Variants in STAB2 observed in about 807,000 individuals in gnomAD.
STAB2 encodes stabilin 2, also known as stabilin-2.
STAB2 carries 288 observed loss-of-function variants against 338.1 expected under a neutral mutation model. The observed-to-expected ratio is 0.85, with a 90% CI of 0.77 to 0.94. The LOEUF is 0.94. Among genes scored for constraint, STAB2 ranks in the 40% least tolerant of loss-of-function variants. The pLI is 0.00. For synonymous variants in STAB2, 1,202 were observed against 1,193.3 expected, an observed-to-expected ratio of 1.01 and a Z score of -0.15; for missense variants, 3,141 against 3,210.1, an observed-to-expected ratio of 0.98 and a Z score of 0.52.
At position 103,753,267 on chromosome 12, in the gene STAB2, A is replaced by T; in HGVS notation, c.6628A>T (p.Lys2210Ter). The change falls in exon 61 of 69, where the codon AAG (lysine) becomes TAG (stop). Residue 2210 changes from lysine (K) to a stop codon, truncating the protein, a stop_gained. Transcript: ENST00000388887. LOFTEE classifies it high-confidence loss of function. ...TCTACGCTCCCCACTGGGCCAGTAT[A>T]AGCTGACCTTTGACAAAGCCAGAGA... ...FHLRSPLGQY[K>*]LTFDKAREAC... is the part of the protein sequence containing the mutation. 1 of 1,614,212 alleles carries T rather than the reference A, an allele frequency of 6.2e-7. No homozygotes were observed. Among genetic ancestry groups the T allele is most frequent in the South Asian group, 1.1e-5 (1 of 91,088 alleles).
Position 103,633,446 on chromosome 12 carries a change from G to T in STAB2, c.583+1753G>T, listed in dbSNP as rs551778576. Among the ~76,000 whole-genome samples the T allele has an allele frequency of 5.3e-5, 8 of 152,312 alleles. No individual in the cohort carries two copies. The South Asian group carries it at 1.7e-3, about 32-fold the overall frequency. ...GCCTGTAATTCCAGCACTTTGGGAG[G>T]CCGAGGCGGGTGGATCACCTGAGGT... is the stretch of plus-strand genomic sequence containing the variant. On this transcript the variant is annotated intron_variant, in intron 6 of 68. Coordinates refer to ENST00000388887, the MANE Select transcript of STAB2 (RefSeq NM_017564.10).
rs370340571 is a variant in STAB2 at position 103,590,708 on chromosome 12, T to C, written c.82-189T>C. 1.1e-4 allele frequency among the ~76,000 whole-genome samples: 17 copies of C among 152,304 alleles called. No individual in the cohort carries two copies. The East Asian group carries it at 1.9e-3, about 17-fold the overall frequency. On this transcript the variant is annotated intron_variant, in intron 1 of 68. Transcript: ENST00000388887. ...CTACAGCCATGGCAGACATTGCTTA[T>C]TAATCTCAATACTCTTTCCAGATAA...
At chr12:103,662,465 G>A (rs1448036715) in intron 17 of STAB2, among the ~76,000 whole-genome samples, 2 of 152,176 alleles carry the variant, frequency 1.3e-5, no homozygotes, top group African/African-American at 4.8e-5. Flanking sequence ...CAGCTCCAAA[G>A]GCAGAGCATA....
chr12:103,711,775 G>A (rs1344276483), intron 40 of STAB2, among the ~76,000 whole-genome samples: 1 of 152,194 alleles, frequency 6.6e-6, no homozygotes, highest in Non-Finnish European at 1.5e-5. Context: ...CAAGCTACCA[G>A]GACTCATGGA....
At chr12:103,705,967 A>G (rs1879314395) in intron 37 of STAB2, among the ~76,000 whole-genome samples, 1 of 152,226 alleles carries the variant, frequency 6.6e-6, no homozygotes, top group Non-Finnish European at 1.5e-5. Flanking sequence ...AAAAACTGAG[A>G]GTCCGAGAGG....
chr12:103,736,598 T>C (rs1882143032), intron 52 of STAB2, among the ~76,000 whole-genome samples: 1 of 152,060 alleles, frequency 6.6e-6, no homozygotes. Flanking sequence ...GTTCTGTGTG[T>C]TGATATAGCT....
At chr12:103,760,389 T>C (rs1884450694) in intron 65 of STAB2, among the ~76,000 whole-genome samples, 1 of 152,210 alleles carries the variant, frequency 6.6e-6, no homozygotes, top group Non-Finnish European at 1.5e-5. Flanking sequence ...GCCTCCCGCG[T>C]AGCTGGGACT....
chr12:103,692,907 C>A lies in STAB2; in HGVS notation c.3375+18C>A. 6.2e-7 allele frequency: 1 copy of A among 1,600,560 alleles called. No individual in the cohort carries two copies. Among genetic ancestry groups the A allele is most frequent in the Non-Finnish European group, 8.6e-7 (1 of 1,168,420 alleles). The stretch of plus-strand genomic sequence containing the variant: ...TCAACAAGGTACAAGATTCCATTCT[C>A]CTGTGCGTGCAGCATCTCTTTTCCC... On this transcript the variant is annotated intron_variant, in intron 31 of 68. Coordinates refer to ENST00000388887, the MANE Select transcript of STAB2 (RefSeq NM_017564.10).
chr12:103,729,740 C>A (rs1881484865), intron 48 of STAB2, among the ~76,000 whole-genome samples: 1 of 152,176 alleles, frequency 6.6e-6, no homozygotes, highest in Non-Finnish European at 1.5e-5. Flanking sequence ...CCAGACTGGT[C>A]CAGTCCCTCC....
chr12:103,671,023 C>T (rs1478415210), intron 22 of STAB2, among the ~76,000 whole-genome samples: 1 of 152,170 alleles, frequency 6.6e-6, no homozygotes, highest in African/African-American at 2.4e-5. Context: ...CACTAGGCCC[C>T]AATGGGTCTT....
intron 48 of STAB2, 45 bp downstream of exon 48, chr12:103,729,040 C>T (rs1881433006): frequency 6.3e-7 from 1 of 1,598,594 alleles, no homozygotes. Context: ...TAGATCATGT[C>T]CTTTGCAGGA....
At chr12:103,683,577 A>G (rs976471117) in intron 26 of STAB2, among the ~76,000 whole-genome samples, 4 of 152,230 alleles carry the variant, frequency 2.6e-5, no homozygotes, top group African/African-American at 9.6e-5. Flanking sequence ...AGTCCCAAAT[A>G]TGGTGTGGGA....
rs756586703 is a variant in STAB2, at chr12:103,735,564, G to A, written c.5534G>A (p.Gly1845Glu). Residue 1845 changes from glycine (G) to glutamate (E), a missense_variant, in exon 52 of 69, where the codon GGA becomes GAA. Coordinates refer to ENST00000388887, the MANE Select transcript of STAB2 (RefSeq NM_017564.10). ...GGTTCAGAGCTGAGTGTGAAATGTG[G>A]AGCTGGCAGGGACATCGTGAGTATC... ...LQGSELSVKC[G>E]AGRDIGDLFL... 11 of 1,536,308 alleles carry A rather than the reference G, an allele frequency of 7.2e-6. No homozygotes were observed. The highest frequency in any genetic ancestry group is 6.7e-5 in the South Asian group (6 of 89,634).
Position 103,766,593 on chromosome 12 carries a change from T to TACATGATGGGTAA in STAB2, c.*258_*270dup, listed in dbSNP as rs1213731186. 1.5e-5 allele frequency: 7 copies of TACATGATGGGTAA among 456,196 alleles called. No individual in the cohort carries two copies. The highest frequency in any genetic ancestry group is 2.4e-5 in the Non-Finnish European group (6 of 251,488). The allele number at this position is 456,196 out of a possible 1,614,324, so 28.3% of individuals were successfully genotyped here. On this transcript the variant is annotated 3_prime_UTR_variant, in exon 69 of 69. Transcript: ENST00000388887. ...AGCTGGCACCTGCTCCATTCTGCCCTACATGATGGGTAACTGTGATCTTTC... is the reference window on the plus strand; with the variant it reads ...AGCTGGCACCTGCTCCATTCTGCCCTACATGATGGGTAAACATGATGGGTAACTGTGATCTTTC...
At chr12:103,636,719 T>C (rs1451657907) in intron 6 of STAB2, among the ~76,000 whole-genome samples, 8 of 152,212 alleles carry the variant, frequency 5.3e-5, no homozygotes, top group Non-Finnish European at 1.2e-4. Flanking sequence ...GCAAGTTGGC[T>C]GATGTCAGAC....
At chr12:103,669,477 T>A (rs1875515658) in intron 20 of STAB2, 64 bp from the exon 21 acceptor site, 1 of 1,349,422 alleles carries the variant, frequency 7.4e-7, no homozygotes, top group South Asian at 1.2e-5. Context: ...TTAAAATGCA[T>A]CCCCTTTGAG....
At chr12:103,680,942 A>G (rs1273981199) in intron 25 of STAB2, among the ~76,000 whole-genome samples, 1 of 152,266 alleles carries the variant, frequency 6.6e-6, no homozygotes, top group Non-Finnish European at 1.5e-5. Context: ...AGTGGTGAGG[A>G]TAAGAGATTA....
At chr12:103,762,938 G>C (rs1021296465) in intron 67 of STAB2, among the ~76,000 whole-genome samples, 15 of 152,200 alleles carry the variant, frequency 9.9e-5, no homozygotes, top group South Asian at 2.1e-4. Flanking sequence ...CAGCACAGCG[G>C]TTGAGCATCT....
At chr12:103,600,263 A>C (rs549061573) in intron 3 of STAB2, among the ~76,000 whole-genome samples, 1 of 152,118 alleles carries the variant, frequency 6.6e-6, no homozygotes, top group Non-Finnish European at 1.5e-5. Context: ...TGTTTTTCTC[A>C]TGATTGTCTG....
Sources: allele counts gnomAD v4.1 joint callset (sites outside exome capture counted in the v4.1 genomes callset), GRCh38; gene constraint gnomAD v4.1.1; transcripts MANE v1.5; gene names NCBI Gene and HGNC (gene_info 2026-07-23, HGNC 2026-07-21).